Variants in MYH7B observed in about 807,000 individuals in gnomAD.
MYH7B encodes the protein myosin heavy chain 7B.
In MYH7B, 205 loss-of-function variants were observed where a neutral mutation model predicts 234.5. The observed-to-expected ratio is 0.87, with a 90% CI of 0.78 to 0.98. The LOEUF is 0.98. Ranked by LOEUF, MYH7B falls within the 50% of genes least tolerant of loss-of-function variation. The pLI is 0.00. For missense variants in MYH7B, 2,652 were observed against 2,633.4 expected, an observed-to-expected ratio of 1.01 and a Z score of -0.15; for synonymous variants, 1,193 against 1,105.0, an observed-to-expected ratio of 1.08 and a Z score of -1.58.
At chr20:34,993,295 G>T in intron 25 of MYH7B, 39 bp from the exon 26 acceptor site, 1 of 1,614,052 alleles carries the variant, frequency 6.2e-7, no homozygotes, top group Non-Finnish European at 8.5e-7. Context: ...CATGCGGATG[G>T]TTGGGGGTTA....
chr20:34,995,948 C>A (rs1291641626), intron 28 of MYH7B, among the ~76,000 whole-genome samples: 1 of 152,236 alleles, frequency 6.6e-6, no homozygotes, highest in East Asian at 1.9e-4. Flanking sequence ...CTCGTGATGG[C>A]CCCTGTGGTT....
chr20:34,990,331 C>G, intron 22 of MYH7B, 21 bp downstream of exon 22: 2 of 1,613,744 alleles, frequency 1.2e-6, no homozygotes, highest in Non-Finnish European at 1.7e-6. Flanking sequence ...ATCTGGGAGA[C>G]AGACCCTCCC....
chr20:34,981,101 C>T (rs1302565543), intron 9 of MYH7B, 41 bp downstream of exon 9: 1 of 1,612,476 alleles, frequency 6.2e-7, no homozygotes, highest in Non-Finnish European at 8.5e-7. Context: ...AAATGCTGGC[C>T]ATCTGGCAGA....
chr20:34,990,229 A>C lies in MYH7B; in HGVS notation c.1901-5A>C. The C allele has an allele frequency of 1.2e-6, 2 of 1,614,086 alleles. No individual in the cohort carries two copies. Among genetic ancestry groups the C allele is most frequent in the Non-Finnish European group, 1.7e-6 (2 of 1,180,026 alleles). On this transcript the variant is annotated splice_polypyrimidine_tract_variant and splice_region_variant and intron_variant, in intron 21 of 44. Coordinates refer to ENST00000262873, the Ensembl canonical transcript of MYH7B. ...TGGAGTGACCAGGCCCCTTGTCTCT[A>C]TTAGCTGAGCCCCCCAAGTCTGGGG... is the stretch of plus-strand genomic sequence containing the variant.
Position 35,001,982 on chromosome 20 carries a change from G to C in MYH7B, c.5711G>C (p.Arg1904Pro), listed in dbSNP as rs200260477. ...GCCAACACCAACCTGGCCAAGTATC[G>C]CAAGGCCCAGCACGAGCTGGATGAT... Residue 1904 changes from arginine (R) to proline (P), a missense_variant, in exon 44 of 45, where the codon CGC becomes CCC. This residue lies in a region of MYH7B where 2,279 missense variants were observed against 2,211.4 expected (regional missense o/e 1.03). Coordinates refer to ENST00000262873, the Ensembl canonical transcript of MYH7B. 4.3e-6 allele frequency: 7 copies of C among 1,613,878 alleles called. No homozygotes were observed. The South Asian group carries it at 7.7e-5, about 18-fold the overall frequency.
chr20:35,001,922 A>AACCAAGGCCCTGTGTGTG (rs1428092089), intron 43 of MYH7B, 26 bp from the exon 44 acceptor site: 1 of 1,605,784 alleles, frequency 6.2e-7, no homozygotes, highest in African/African-American at 1.3e-5. Context: ...ACCCAAGCGG[A>AACCAAGGCCCTGTGTGTG]ACCAAGGCCC....
chr20:34,960,680 A>T (rs952151622), intron 2 of MYH7B, among the ~76,000 whole-genome samples: 1 of 151,984 alleles, frequency 6.6e-6, no homozygotes, highest in Non-Finnish European at 1.5e-5. Context: ...CCATCTCCCC[A>T]CCTGGCTGGG....
intron 11 of MYH7B, 42 bp downstream of exon 11, chr20:34,984,757 C>A: frequency 2.5e-6 from 4 of 1,605,736 alleles, no homozygotes; most frequent in Non-Finnish European, 3.4e-6. Context: ...CCTGGGGGTA[C>A]CCCCTTCCTC....
exon 37 of MYH7B, chr20:34,999,688 A>C (rs1390986798): frequency 6.8e-6 from 11 of 1,611,942 alleles, no homozygotes; most frequent in African/African-American, 1.3e-5. Flanking sequence ...GCACTGGAGG[A>C]GGCAGAGGTC....
exon 44 of MYH7B, chr20:35,002,054 G>A (rs571968878): frequency 2.7e-5 from 44 of 1,613,996 alleles, no homozygotes; most frequent in South Asian, 1.9e-4. Flanking sequence ...AACAAGCTGC[G>A]GGCACGGACC....
intron 2 of MYH7B, among the ~76,000 whole-genome samples, chr20:34,968,383 C>A (rs2081762276): frequency 6.6e-6 from 1 of 152,208 alleles, no homozygotes; most frequent in South Asian, 2.1e-4. Flanking sequence ...TTCATTGAAT[C>A]CACACCACAA....
chr20:34,975,564 A>G, intron 3 of MYH7B, 65 bp downstream of exon 3: 1 of 702,968 alleles, frequency 1.4e-6, no homozygotes, highest in Non-Finnish European at 2.7e-6. Context: ...AAGATCATTC[A>G]CTGCAGCCTT....
intron 23 of MYH7B, 23 bp from the exon 24 acceptor site, chr20:34,990,981 A>G: frequency 6.3e-7 from 1 of 1,599,774 alleles, no homozygotes; most frequent in African/African-American, 1.3e-5. Context: ...TTGACCTCTG[A>G]CCTTTTCCCC....
Position 34,984,958 on chromosome 20 carries a change from A to C in MYH7B, c.741+12A>C. 22 of 1,612,318 alleles carry C rather than the reference A, an allele frequency of 1.4e-5. No individual in the cohort carries two copies. Among genetic ancestry groups the C allele is most frequent in the Non-Finnish European group, 1.9e-5 (22 of 1,178,462 alleles). On this transcript the variant is annotated intron_variant, in intron 12 of 44. Coordinates refer to ENST00000262873, the Ensembl canonical transcript of MYH7B. ...ACTCCTCCCGCTTTGTGAGTGGCTGAGGTGGGAGGGGTGGCGGGGATGCCG... is the reference window on the plus strand; with the variant it reads ...ACTCCTCCCGCTTTGTGAGTGGCTGCGGTGGGAGGGGTGGCGGGGATGCCG...
chr20:34,999,759 CCCA>C (rs760458104), intron 37 of MYH7B, 29 bp from the exon 38 acceptor site: 36,982 of 1,189,856 alleles, frequency 0.031, 152 homozygotes, highest in South Asian at 0.041. Flanking sequence ...ATCCCCCCCC[CCCA>C]CCCTACCCTG....
rs766198542 is a variant in MYH7B, at chr20:34,979,785, A to C, written c.323A>C (p.Tyr108Ser). 9.9e-6 allele frequency: 16 copies of C among 1,613,744 alleles called. No homozygotes were observed. The East Asian group carries it at 3.6e-4, about 36-fold the overall frequency. The change falls in exon 7 of 45, where the codon TAT becomes TCT. Residue 108 changes from tyrosine to serine, a missense_variant. Physicochemically the swap from Tyr to Ser is moderately radical, Grantham distance 144. This residue lies in a region of MYH7B where 366 missense variants were observed against 401.2 expected (regional missense o/e 0.91). Coordinates refer to ENST00000262873, the Ensembl canonical transcript of MYH7B. ...GTGCTGCACAACCTGCGCCAGCGCT[A>C]TGCCCGCTGGATGATCTATGTGAGC...
At chr20:34,993,386 G>A (rs745686014) in exon 26 of MYH7B, 5 of 1,613,550 alleles carry the variant, frequency 3.1e-6, no homozygotes, top group South Asian at 2.2e-5. Flanking sequence ...CGTGACCAGC[G>A]CCTGGCCAAG....
chr20:35,002,428 A>ATAGTC (rs1025648342), exon 45 of MYH7B: 2 of 412,518 alleles, frequency 4.8e-6, no homozygotes, highest in East Asian at 3.5e-5. Context: ...AAGTTATTTA[A>ATAGTC]TAGTCTCCAT....
exon 35 of MYH7B, chr20:34,998,787 CGAG>C (rs768316733): frequency 3.1e-6 from 5 of 1,612,940 alleles, no homozygotes; most frequent in Admixed American, 1.7e-5. Context: ...GGGAGCAACA[CGAG>C]GAGGAGGCTG....
Sources: allele counts gnomAD v4.1 joint callset (sites outside exome capture counted in the v4.1 genomes callset), GRCh38; gene constraint gnomAD v4.1.1; regional missense constraint gnomAD v4.1.1; transcripts MANE v1.5; gene names NCBI Gene and HGNC (gene_info 2026-07-23, HGNC 2026-07-21).